Variants in ATAD5 observed in about 807,000 individuals in gnomAD.
ATAD5 encodes ATPase family AAA domain containing 5.
A neutral mutation model predicts 176.9 loss-of-function variants in ATAD5; 58 were observed. The ratio of observed to expected loss-of-function variants is 0.33; its 90% CI spans 0.27 to 0.41. The LOEUF is 0.41. Ranked by LOEUF, ATAD5 falls within the 10% of genes least tolerant of loss-of-function variation. The pLI is 1.00. For synonymous variants in ATAD5, 640 were observed against 712.6 expected, an observed-to-expected ratio of 0.90 and a Z score of 1.62; for missense variants, 1,789 against 2,094.1, an observed-to-expected ratio of 0.85 and a Z score of 2.84.
chr17:30,882,380 T>C (rs767578557), intron 18 of ATAD5, among the ~76,000 whole-genome samples: 4 of 152,008 alleles, frequency 2.6e-5, no homozygotes, highest in Non-Finnish European at 5.9e-5. Context: ...CTGGGCAACA[T>C]TGGCGAAATC....
At chr17:30,850,042 G>A (rs530140057) in intron 6 of ATAD5, among the ~76,000 whole-genome samples, 1 of 152,246 alleles carries the variant, frequency 6.6e-6, no homozygotes, top group Admixed American at 6.5e-5. Context: ...TTGGGAGTCT[G>A]AGACAGGAGG....
At chr17:30,854,624 G>T (rs902953889) in intron 6 of ATAD5, among the ~76,000 whole-genome samples, 1 of 150,634 alleles carries the variant, frequency 6.6e-6, no homozygotes, top group South Asian at 2.1e-4. Flanking sequence ...CACCCTCCTC[G>T]GCCTCCCAAA....
intron 9 of ATAD5, among the ~76,000 whole-genome samples, chr17:30,858,543 G>T (rs1048078709): frequency 6.6e-6 from 1 of 151,278 alleles, no homozygotes; most frequent in African/African-American, 2.4e-5. Flanking sequence ...CCACCATGAC[G>T]CCCTGCTAAT....
At chr17:30,878,891 C>T (rs1908844485) in intron 17 of ATAD5, among the ~76,000 whole-genome samples, 2 of 151,822 alleles carry the variant, frequency 1.3e-5, no homozygotes, top group Non-Finnish European at 2.9e-5. Context: ...ACCACCACGC[C>T]CAGCTAATTT....
chr17:30,894,096 A>G lies in ATAD5; in HGVS notation c.5243A>G (p.Tyr1748Cys). The G allele has an allele frequency of 6.2e-7, 1 of 1,602,082 alleles. No individual in the cohort carries two copies. The change falls in exon 21 of 23, where the codon TAT becomes TGT. Residue 1748 changes from tyrosine (Y) to cysteine (C), a missense_variant. Physicochemically the swap from Tyr to Cys is radical, Grantham distance 194. This residue lies in a region of ATAD5 where 403 missense variants were observed against 495.1 expected (regional missense o/e 0.81). Transcript: ENST00000321990. ...GRDPTNDLTFYVSQKRNNVYF... is the reference protein window; with the variant it reads ...GRDPTNDLTFCVSQKRNNVYF... ...GATCCAACCAACGATCTTACTTTTT[A>G]TGTTTCACAAAAGCGCAATAATGTA... is the stretch of plus-strand genomic sequence containing the variant.
chr17:30,848,962 C>A (rs951677163), intron 6 of ATAD5, among the ~76,000 whole-genome samples: 4 of 152,172 alleles, frequency 2.6e-5, no homozygotes, highest in African/African-American at 9.7e-5. Context: ...TCTCCGCCTT[C>A]CGGGTTCAAG....
At chr17:30,875,728 G>A (rs1287183549) in intron 14 of ATAD5, among the ~76,000 whole-genome samples, 2 of 151,302 alleles carry the variant, frequency 1.3e-5, no homozygotes, top group Non-Finnish European at 2.9e-5. Context: ...CCTGGGAGGT[G>A]GAAACTGCAG....
At chr17:30,875,720 T>C (rs536856881) in intron 14 of ATAD5, among the ~76,000 whole-genome samples, 2 of 149,246 alleles carry the variant, frequency 1.3e-5, no homozygotes, top group South Asian at 4.3e-4. Context: ...CACTTGAGCC[T>C]GGGAGGTGGA....
At chr17:30,856,500 G>A (rs2142362671) in intron 7 of ATAD5, among the ~76,000 whole-genome samples, 1 of 152,290 alleles carries the variant, frequency 6.6e-6, no homozygotes, top group East Asian at 1.9e-4. Context: ...CCAGGCTGGA[G>A]TGCAGTGATG....
rs183754894 is a variant in ATAD5, at chr17:30,875,243, G to A, written c.3608-1131G>A. The stretch of plus-strand genomic sequence containing the variant: ...TAGAGGGGAAGAGAGGATGTATTAT[G>A]TGGAAAAATGCCATGGGGCTTTTGG... On this transcript the variant is annotated intron_variant, in intron 14 of 22. Transcript: ENST00000321990. 1.8e-4 allele frequency among the ~76,000 whole-genome samples: 27 copies of A among 152,248 alleles called. No individual in the cohort carries two copies. The East Asian group carries it at 5.2e-3, about 29-fold the overall frequency.
chr17:30,873,553 G>T (rs1370547754), intron 14 of ATAD5, among the ~76,000 whole-genome samples: 3 of 151,944 alleles, frequency 2.0e-5, no homozygotes, highest in Non-Finnish European at 2.9e-5. Context: ...CCTAACCTCA[G>T]GTGATCCATC....
intron 14 of ATAD5, among the ~76,000 whole-genome samples, chr17:30,874,129 C>T (rs1399823328): frequency 6.6e-6 from 1 of 151,870 alleles, no homozygotes; most frequent in African/African-American, 2.4e-5. Context: ...TGTGCCACTG[C>T]ACTCCAGCCT....
chr17:30,884,483 C>T (rs1228863944), intron 18 of ATAD5, among the ~76,000 whole-genome samples: 1 of 127,290 alleles, frequency 7.9e-6, no homozygotes, highest in Non-Finnish European at 1.5e-5. Flanking sequence ...GGCTGGAGTG[C>T]AGTGGCACGA....
Position 30,887,248 on chromosome 17 carries a change from T to G in ATAD5, c.4134T>G (p.Asp1378Glu). The G allele has an allele frequency of 6.2e-7, 1 of 1,606,490 alleles. No individual in the cohort carries two copies. The highest frequency in any genetic ancestry group is 8.5e-7 in the Non-Finnish European group (1 of 1,177,806). Residue 1378 changes from aspartate to glutamate, a missense_variant, in exon 19 of 23, where the codon GAT (aspartate) becomes GAG (glutamate). This residue lies in a region of ATAD5 where 194 missense variants were observed against 270.1 expected (regional missense o/e 0.72). Transcript: ENST00000321990. Reference protein sequence around the residue: ...MICLTENFRTDVKDFVTLLTA... With the variant: ...MICLTENFRTEVKDFVTLLTA... ...GCTTAACTGAGAATTTTAGAACTGA[T>G]GTAAAAGACTTTGTAACCTTGTTAA...
At chr17:30,876,252 G>A in intron 14 of ATAD5, 122 bp from the exon 15 acceptor site, 2 of 809,886 alleles carry the variant, frequency 2.5e-6, no homozygotes, top group South Asian at 3.0e-5. Flanking sequence ...AAGAATGAAA[G>A]AAAATTTCTG....
At chr17:30,861,315 C>T (rs1229472000) in intron 10 of ATAD5, among the ~76,000 whole-genome samples, 1 of 151,382 alleles carries the variant, frequency 6.6e-6, no homozygotes, top group Non-Finnish European at 1.5e-5. Context: ...GTTTTTCCTT[C>T]TAGTCCTAGA....
At chr17:30,859,580 C>T (rs1907490186) in intron 9 of ATAD5, among the ~76,000 whole-genome samples, 1 of 150,950 alleles carries the variant, frequency 6.6e-6, no homozygotes, top group Non-Finnish European at 1.5e-5. Flanking sequence ...AGGCTGGTCT[C>T]GACCTCCTGA....
At chr17:30,847,444 C>T (rs1234071044) in intron 6 of ATAD5, among the ~76,000 whole-genome samples, 1 of 151,800 alleles carries the variant, frequency 6.6e-6, no homozygotes, top group Non-Finnish European at 1.5e-5. Context: ...GATTCTCCTG[C>T]CTCAGACTCC....
In ATAD5 at chr17:30,895,102, T is replaced by G. The variant is rs1909839499; in HGVS notation, c.*189T>G. On this transcript the variant is annotated 3_prime_UTR_variant, in exon 23 of 23. Coordinates refer to ENST00000321990, the MANE Select transcript of ATAD5 (RefSeq NM_024857.5). ...ACAAATTTTATATATGATTGTAATT[T>G]TTTTTCTGAATTTTTTGTATTATCT... 1 of 444,414 alleles carries G rather than the reference T, an allele frequency of 2.3e-6. No homozygotes were observed. Among genetic ancestry groups the G allele is most frequent in the East Asian group, 3.8e-5 (1 of 26,244 alleles). The allele number at this position is 444,414 out of a possible 1,614,324, so 27.5% of individuals were successfully genotyped here.
Sources: allele counts gnomAD v4.1 joint callset (sites outside exome capture counted in the v4.1 genomes callset), GRCh38; gene constraint gnomAD v4.1.1; regional missense constraint gnomAD v4.1.1; transcripts MANE v1.5; gene names NCBI Gene and HGNC (gene_info 2026-07-23, HGNC 2026-07-21).